CLASP1: variants seen among roughly 807,000 people sequenced by gnomAD.
The protein encoded by CLASP1 is CLIP-associating protein 1.
In CLASP1, 38 loss-of-function variants were observed where a neutral mutation model predicts 192.3. The ratio of observed to expected loss-of-function variants is 0.20; its 90% CI spans 0.15 to 0.26. CLASP1 has a LOEUF of 0.26. Ranked by LOEUF, CLASP1 falls within the 10% of genes least tolerant of loss-of-function variation. CLASP1 has a pLI of 1.00. For missense variants in CLASP1, 1,433 were observed against 1,932.5 expected, an observed-to-expected ratio of 0.74 and a Z score of 4.85; for synonymous variants, 691 against 712.8, an observed-to-expected ratio of 0.97 and a Z score of 0.49.
intron 8 of CLASP1, among the ~76,000 whole-genome samples, chr2:121,500,441 G>A (rs1388362248): frequency 6.7e-6 from 1 of 148,926 alleles, no homozygotes; most frequent in Non-Finnish European, 1.5e-5. Context: ...AAAGAAAAGA[G>A]GGAAGGAAGG....
chr2:121,492,938 T>C (rs753395816), intron 8 of CLASP1, among the ~76,000 whole-genome samples: 19 of 152,184 alleles, frequency 1.2e-4, no homozygotes, highest in Admixed American at 1.1e-3. Flanking sequence ...TGTCCATCAA[T>C]AGATGCACAG....
At chr2:121,525,534 G>A (rs895399956) in intron 6 of CLASP1, among the ~76,000 whole-genome samples, 33 of 152,078 alleles carry the variant, frequency 2.2e-4, no homozygotes, top group Non-Finnish European at 3.8e-4. Context: ...CTGCAGAGGT[G>A]GTGGCCAGAC....
At chr2:121,622,973 C>T (rs2067636836) in intron 1 of CLASP1, among the ~76,000 whole-genome samples, 1 of 152,098 alleles carries the variant, frequency 6.6e-6, no homozygotes, top group Admixed American at 6.6e-5. Context: ...CCTATAATCC[C>T]AGCACTTTGG....
At chr2:121,504,811 T>C (rs981313171) in intron 7 of CLASP1, 2 of 152,202 alleles carry the variant, frequency 1.3e-5, no homozygotes, top group South Asian at 4.1e-4. Flanking sequence ...AGCCCAGATG[T>C]TCCCTCAGAA....
At chr2:121,500,392 G>GAAAGAAAGA (rs1364712873) in intron 8 of CLASP1, among the ~76,000 whole-genome samples, 3 of 112,202 alleles carry the variant, frequency 2.7e-5, no homozygotes, top group East Asian at 4.8e-4. Flanking sequence ...AAGAAAGAAA[G>GAAAGAAAGA]AAAGAAAAGA....
At chr2:121,523,995 C>A (rs1162596630) in intron 6 of CLASP1, among the ~76,000 whole-genome samples, 1 of 152,214 alleles carries the variant, frequency 6.6e-6, no homozygotes. Context: ...AAACCAGACT[C>A]TAGACAACGT....
chr2:121,359,278 A>G (rs1463252199), intron 37 of CLASP1, among the ~76,000 whole-genome samples: 3 of 152,242 alleles, frequency 2.0e-5, no homozygotes, highest in African/African-American at 7.2e-5. Context: ...ATATCATAAT[A>G]TCTTTCATTC....
chr2:121,631,522 G>A (rs942539690), intron 1 of CLASP1, among the ~76,000 whole-genome samples: 4 of 151,860 alleles, frequency 2.6e-5, no homozygotes. Context: ...TCTTGACCTC[G>A]TGATCTGCCC....
At chr2:121,646,478 T>C (rs896205985) in intron 1 of CLASP1, among the ~76,000 whole-genome samples, 1 of 152,250 alleles carries the variant, frequency 6.6e-6, no homozygotes, top group African/African-American at 2.4e-5. Flanking sequence ...TTCTGTCTAC[T>C]ATTTCCACTA....
chr2:121,610,738 C>T (rs1268364147), intron 1 of CLASP1, among the ~76,000 whole-genome samples: 4 of 111,846 alleles, frequency 3.6e-5, no homozygotes, highest in Non-Finnish European at 7.2e-5. Flanking sequence ...GAAAGAGGAA[C>T]TGGAGGAGGA....
At chr2:121,414,513 A>G (rs1204692951) in intron 23 of CLASP1, among the ~76,000 whole-genome samples, 1 of 152,218 alleles carries the variant, frequency 6.6e-6, no homozygotes, top group Admixed American at 6.5e-5. Flanking sequence ...TCTATCAGCC[A>G]GTATGGACAT....
At position 121,555,988 on chromosome 2, in the gene CLASP1, C is replaced by CTTTTTTTTTTTTTT. The variant is rs34423741; in HGVS notation, c.196-25677_196-25664dup. Among the ~76,000 whole-genome samples the CTTTTTTTTTTTTTT allele has an allele frequency of 1.4e-4, 6 of 42,394 alleles. 1 individual carries two copies. The highest frequency in any genetic ancestry group is 2.2e-4 in the African/African-American group (2 of 9,090). The allele number at this position is 42,394 out of a possible 152,430, so 27.8% of individuals were successfully genotyped here. On this transcript the variant is annotated intron_variant, in intron 2 of 39. Transcript: ENST00000263710. ...CACGGCGCCTGCCCCCTACCCACCG[C>CTTTTTTTTTTTTTT]TTTTTTTTTTTTTTTTTTTTTTTTT...
chr2:121,340,852 G>A (rs1038882723), exon 40 of CLASP1: 1 of 1,606,724 alleles, frequency 6.2e-7, no homozygotes, highest in Admixed American at 1.7e-5. Context: ...CAAGAGACAG[G>A]TACTGCCATT....
At chr2:121,457,071 C>G (rs977698610) in intron 14 of CLASP1, among the ~76,000 whole-genome samples, 1 of 152,188 alleles carries the variant, frequency 6.6e-6, no homozygotes, top group Admixed American at 6.5e-5. Flanking sequence ...ATTCCTCACA[C>G]GTAGTTTAGG....
rs71398039 is a variant in CLASP1 at position 121,633,028 on chromosome 2, A to ATATG, written c.-286+16343_-286+16344insCATA. Among the ~76,000 whole-genome samples, 25 of 137,532 alleles carry ATATG rather than the reference A, an allele frequency of 1.8e-4. 1 individual carries two copies. The highest frequency in any genetic ancestry group is 5.8e-4 in the African/African-American group (20 of 34,260). The allele number at this position is 137,532 out of a possible 152,430, so 90.2% of individuals were successfully genotyped here. A position where few individuals can be genotyped will look rare whatever the true frequency, so the allele number is the denominator to read the frequency against. On this transcript the variant is annotated intron_variant, in intron 1 of 39. Coordinates refer to ENST00000263710, the Ensembl canonical transcript of CLASP1. The stretch of plus-strand genomic sequence containing the variant: ...TGTGCATATATATATATATATATAT[A>ATATG]GGCTTTTTTTCATGAATATAATTAA...
chr2:121,355,593 C>T (rs1270810526), intron 37 of CLASP1, among the ~76,000 whole-genome samples: 2 of 152,176 alleles, frequency 1.3e-5, no homozygotes, highest in African/African-American at 4.8e-5. Context: ...GGTAGGTGTT[C>T]TCAACTTCCC....
At chr2:121,570,329 G>A (rs1203419816) in intron 2 of CLASP1, among the ~76,000 whole-genome samples, 1 of 152,208 alleles carries the variant, frequency 6.6e-6, no homozygotes, top group East Asian at 1.9e-4. Flanking sequence ...AGAATTCAGT[G>A]CACCACTAAG....
At chr2:121,468,266 T>C (rs1037387846) in intron 9 of CLASP1, among the ~76,000 whole-genome samples, 2 of 152,210 alleles carry the variant, frequency 1.3e-5, no homozygotes, top group African/African-American at 2.4e-5. Flanking sequence ...CTTGGCTATA[T>C]GAGCTCTTAT....
At chr2:121,441,933 C>G (rs931398837) in intron 19 of CLASP1, among the ~76,000 whole-genome samples, 2 of 151,862 alleles carry the variant, frequency 1.3e-5, no homozygotes, top group Admixed American at 1.3e-4. Context: ...AGTTCTTTTT[C>G]CTGAAGAGAA....
Sources: allele counts gnomAD v4.1 joint callset (sites outside exome capture counted in the v4.1 genomes callset), GRCh38; gene constraint gnomAD v4.1.1; transcripts MANE v1.5; gene names NCBI Gene and HGNC (gene_info 2026-07-23, HGNC 2026-07-21).